Variants in MTA3 observed in about 807,000 individuals in gnomAD.
The protein encoded by MTA3 is metastasis associated 1 family member 3, also known as metastasis-associated protein MTA3.
In MTA3, 34 loss-of-function variants were observed where a neutral mutation model predicts 83.5. The observed-to-expected ratio is 0.41, with a 90% CI of 0.31 to 0.54. The LOEUF (loss-of-function observed/expected upper bound fraction) is 0.54, where lower values mean the gene tolerates loss of function less well. Ranked by LOEUF, MTA3 falls within the 20% of genes least tolerant of loss-of-function variation. The probability of loss-of-function intolerance (pLI) is 0.33; values close to 1 mark genes in which losing one functional copy is unlikely to be tolerated. For synonymous variants in MTA3, 303 were observed against 252.7 expected, an observed-to-expected ratio of 1.20 and a Z score of -1.89; for missense variants, 761 against 726.4, an observed-to-expected ratio of 1.05 and a Z score of -0.55.
chr2:42,649,213 C>T lies in MTA3; in HGVS notation c.499+4969C>T, dbSNP rs769673191. Reference sequence around the variant, plus strand: ...AGTTCGAGACCAGTTTGACCAACCACGGTGAAACCCCATCTCTACTAAAAA... The same window carrying T: ...AGTTCGAGACCAGTTTGACCAACCATGGTGAAACCCCATCTCTACTAAAAA... On this transcript the variant is annotated intron_variant, in intron 6 of 16. Coordinates refer to ENST00000405094, the MANE Select transcript of MTA3 (RefSeq NM_001330442.2). Among the ~76,000 whole-genome samples, 8 of 152,138 alleles carry T rather than the reference C, an allele frequency of 5.3e-5. No individual in the cohort carries two copies. The East Asian group carries it at 1.4e-3, about 26-fold the overall frequency.
intron 2 of MTA3, among the ~76,000 whole-genome samples, chr2:42,528,290 G>A (rs1034522804): frequency 2.0e-5 from 3 of 150,092 alleles, no homozygotes; most frequent in Admixed American, 6.7e-5. Context: ...GCGTGATCTC[G>A]GCTCCTGCAG....
rs142407335 is a variant in MTA3 at position 42,751,980 on chromosome 2, A to T, written c.1760-1394A>T. On this transcript the variant is annotated intron_variant, in intron 16 of 16. Transcript: ENST00000405094. ...AGCTTGGTGTAGTAGGAAAAACTTG[A>T]CACAAATTAAGGTCTACATTCAAAT... Among the ~76,000 whole-genome samples, 5 of 152,312 alleles carry T rather than the reference A, an allele frequency of 3.3e-5. No individual in the cohort carries two copies. In the East Asian group the frequency reaches 9.6e-4, roughly 29 times the overall value.
At chr2:42,553,121 T>A (rs762529332) in intron 2 of MTA3, among the ~76,000 whole-genome samples, 13 of 151,066 alleles carry the variant, frequency 8.6e-5, no homozygotes, top group South Asian at 4.2e-4. Context: ...TACAAAAAAA[T>A]TTTTAAAAAA....
At chr2:42,523,689 G>A (rs1675535278) in intron 2 of MTA3, among the ~76,000 whole-genome samples, 1 of 152,140 alleles carries the variant, frequency 6.6e-6, no homozygotes, top group South Asian at 2.1e-4. Flanking sequence ...GAGGCAGTAG[G>A]ATCACTTGAG....
chr2:42,746,182 C>A (rs1380343253), intron 16 of MTA3, among the ~76,000 whole-genome samples: 1 of 152,110 alleles, frequency 6.6e-6, no homozygotes, highest in Non-Finnish European at 1.5e-5. Context: ...TACGGTGACA[C>A]CAGTTTTCTT....
intron 2 of MTA3, among the ~76,000 whole-genome samples, chr2:42,526,344 C>T (rs759056887): frequency 3.9e-5 from 6 of 152,178 alleles, no homozygotes; most frequent in Non-Finnish European, 7.3e-5. Context: ...GGATTACAGG[C>T]GCATGCCACC....
intron 2 of MTA3, among the ~76,000 whole-genome samples, chr2:42,528,822 A>C (rs1041906701): frequency 2.0e-5 from 3 of 152,252 alleles, no homozygotes; most frequent in Admixed American, 6.5e-5. Context: ...CCCCAGAACA[A>C]GAAGAGGTAC....
rs568766581 is a variant in MTA3 at position 42,552,118 on chromosome 2, A to G, written c.-140-18319A>G. ...AGCAGTCCTCCCACCTCTGCCTCCCAAAGTGGGAGATGTATTTGAGCTGTC... is the reference window on the plus strand; with the variant it reads ...AGCAGTCCTCCCACCTCTGCCTCCCGAAGTGGGAGATGTATTTGAGCTGTC... On this transcript the variant is annotated intron_variant, in intron 2 of 17. Transcript: ENST00000405592. Among the ~76,000 whole-genome samples the G allele has an allele frequency of 8.5e-5, 13 of 152,204 alleles. No individual in the cohort carries two copies. In the East Asian group the frequency reaches 2.5e-3, roughly 29 times the overall value.
intron 2 of MTA3, among the ~76,000 whole-genome samples, chr2:42,501,566 C>G (rs1674396241): frequency 6.6e-6 from 1 of 152,198 alleles, no homozygotes; most frequent in Non-Finnish European, 1.5e-5. Context: ...CCTAACTGAA[C>G]TTGAGTCCAC....
intron 4 of MTA3, among the ~76,000 whole-genome samples, chr2:42,630,847 G>T (rs1349619610): frequency 6.6e-6 from 1 of 152,128 alleles, no homozygotes; most frequent in Admixed American, 6.6e-5. Flanking sequence ...GGGAGGTTCA[G>T]CTGAAAGGAT....
chr2:42,697,924 G>C (rs932609357), intron 11 of MTA3, 90 bp downstream of exon 11: 2 of 864,710 alleles, frequency 2.3e-6, no homozygotes, highest in Non-Finnish European at 1.7e-6. Flanking sequence ...AGCAAAATTT[G>C]AACTTTTGTG....
chr2:42,515,122 G>A (rs1675081760), intron 2 of MTA3, among the ~76,000 whole-genome samples: 1 of 151,966 alleles, frequency 6.6e-6, no homozygotes, highest in East Asian at 1.9e-4. Context: ...GCAGTGGTGC[G>A]ATCTCGGCTC....
rs199899530 is a variant in MTA3 at position 42,697,826 on chromosome 2, C to T, written c.1017C>T (p.Ile339=). The change falls in exon 11 of 17, where the codon ATC becomes ATT. Residue 339 remains isoleucine (I), a synonymous_variant. Transcript: ENST00000405094. ...EAESKLKQVY[I]PTYSKPNPNQ... ...AGAGTAAACTGAAACAAGTATATATCCCAACCTAGTAAGTAATTGAAATCT... is the reference window on the plus strand; with the variant it reads ...AGAGTAAACTGAAACAAGTATATATTCCAACCTAGTAAGTAATTGAAATCT... The T allele has an allele frequency of 1.0e-4, 160 of 1,533,248 alleles. No homozygotes were observed. In the East Asian group the frequency reaches 2.1e-3, roughly 21 times the overall value. 95.0% of individuals were successfully genotyped at this position (1,533,248 alleles called of 1,614,324 possible).
upstream of MTA3, among the ~76,000 whole-genome samples, chr2:42,564,016 C>A (rs796880708): frequency 1.3e-5 from 2 of 151,386 alleles, 1 homozygote; most frequent in African/African-American, 4.8e-5. Flanking sequence ...GTAGAGATGG[C>A]GTTTCACTAT....
chr2:42,687,386 T>C (rs1416769443), intron 9 of MTA3, among the ~76,000 whole-genome samples: 2 of 152,240 alleles, frequency 1.3e-5, no homozygotes, highest in African/African-American at 2.4e-5. Flanking sequence ...CATATATCAG[T>C]CGTTCATTTT....
chr2:42,748,905 A>T (rs1669647265), intron 16 of MTA3, among the ~76,000 whole-genome samples: 1 of 152,188 alleles, frequency 6.6e-6, no homozygotes, highest in African/African-American at 2.4e-5. Context: ...AAGCTTTATT[A>T]AGCCTCACAT....
intron 8 of MTA3, among the ~76,000 whole-genome samples, chr2:42,668,415 C>T (rs1307909095): frequency 6.6e-6 from 1 of 152,216 alleles, no homozygotes; most frequent in African/African-American, 2.4e-5. Flanking sequence ...CCTCAGGGTC[C>T]TGAACAAGAC....
At chr2:42,535,245 G>A (rs1676173027) in intron 2 of MTA3, among the ~76,000 whole-genome samples, 1 of 152,074 alleles carries the variant, frequency 6.6e-6, no homozygotes. Flanking sequence ...AAATTAGCCA[G>A]GCATGGTGGC....
chr2:42,514,609 C>G (rs1200159773), intron 2 of MTA3, among the ~76,000 whole-genome samples: 1 of 149,694 alleles, frequency 6.7e-6, no homozygotes, highest in East Asian at 2.0e-4. Context: ...CTCTCAAACT[C>G]TTGACCTCAA....
Sources: allele counts gnomAD v4.1 joint callset (sites outside exome capture counted in the v4.1 genomes callset), GRCh38; gene constraint gnomAD v4.1.1; transcripts MANE v1.5; gene names NCBI Gene and HGNC (gene_info 2026-07-23, HGNC 2026-07-21).